The following ZNF829 variants were observed in gnomAD, a reference collection of about 807,000 sequenced individuals.
The protein encoded by ZNF829 is zinc finger protein 829.
ZNF829 carries 25 observed loss-of-function variants against 35.2 expected under a neutral mutation model. That is an observed-to-expected ratio of 0.71 (90% CI 0.52 to 0.99). ZNF829 has a LOEUF of 0.99. Among genes scored for constraint, ZNF829 ranks in the 50% least tolerant of loss-of-function variants. ZNF829 has a pLI of 0.00. For synonymous variants in ZNF829, 136 were observed against 163.2 expected, an observed-to-expected ratio of 0.83 and a Z score of 1.27; for missense variants, 417 against 515.3, an observed-to-expected ratio of 0.81 and a Z score of 1.85.
intron 5 of ZNF829, among the ~76,000 whole-genome samples, chr19:36,905,097 A>G (rs2073204647): frequency 1.3e-5 from 2 of 152,134 alleles, no homozygotes; most frequent in African/African-American, 4.8e-5. Context: ...ATTAACTTCT[A>G]CTTGGATCAA....
chr19:36,892,489 G>A lies in ZNF829; in HGVS notation c.320-18C>T. 1 of 1,538,238 alleles carries A rather than the reference G, an allele frequency of 6.5e-7. No homozygotes were observed. Among genetic ancestry groups the A allele is most frequent in the South Asian group, 1.2e-5 (1 of 80,134 alleles). On this transcript the variant is annotated intron_variant, in intron 5 of 5. Coordinates refer to ENST00000391711, the MANE Select transcript of ZNF829 (RefSeq NM_001037232.4). Reference sequence around the variant, plus strand: ...TTCCAGATCTGAAAGAAAATACAAAGGCAAATAAATTTTCCTATTCTGGGC... The same window carrying A: ...TTCCAGATCTGAAAGAAAATACAAAAGCAAATAAATTTTCCTATTCTGGGC...
intron 3 of ZNF829, among the ~76,000 whole-genome samples, chr19:36,908,798 C>T (rs2073240346): frequency 6.6e-6 from 1 of 152,134 alleles, no homozygotes; most frequent in Non-Finnish European, 1.5e-5. Flanking sequence ...TTTCTAAAAG[C>T]TTCCAGAAGA....
chr19:36,909,594 G>A (rs1024982795), intron 3 of ZNF829, among the ~76,000 whole-genome samples: 3 of 152,056 alleles, frequency 2.0e-5, no homozygotes, highest in Admixed American at 6.5e-5. Context: ...GGATCACCAG[G>A]TCAGGAGTTC....
At chr19:36,914,852 C>A in intron 3 of ZNF829, 113 bp downstream of exon 3, 2 of 933,604 alleles carry the variant, frequency 2.1e-6, no homozygotes, top group Non-Finnish European at 3.4e-6. Context: ...ATTCAGCAAG[C>A]ATAAGTGGAG....
Position 36,891,728 on chromosome 19 carries a change from C to T in ZNF829, c.1063G>A (p.Glu355Lys), listed in dbSNP as rs1046003831. 6.8e-6 allele frequency: 11 copies of T among 1,613,940 alleles called. No individual in the cohort carries two copies. The highest frequency in any genetic ancestry group is 3.3e-5 in the Admixed American group (2 of 60,000). ...TGAATAAAGGCCTTTCTACATTCTTCACATTCATAGAGCTTCTCACCAGCA... is the reference window on the plus strand; with the variant it reads ...TGAATAAAGGCCTTTCTACATTCTTTACATTCATAGAGCTTCTCACCAGCA... ...IHAGEKLYEC[E>K]ECRKAFIQSS... Residue 355 changes from glutamate (E) to lysine (K), a missense_variant, in exon 6 of 6, where the codon GAA becomes AAA. Transcript: ENST00000391711.
chr19:36,915,577 C>A (rs551867326), intron 1 of ZNF829, among the ~76,000 whole-genome samples: 4 of 144,648 alleles, frequency 2.8e-5, no homozygotes, highest in African/African-American at 1.0e-4. Context: ...CAGACAATTT[C>A]ACAACCTCCC....
Position 36,892,750 on chromosome 19 carries a change from A to G in ZNF829, c.320-279T>C, listed in dbSNP as rs1053689223. ...AAGCCTTGGTGAATACACAGTGTTC[A>G]GCACCATCCTCCATATTATAGAGAG... On this transcript the variant is annotated intron_variant, in intron 5 of 5. Coordinates refer to ENST00000391711, the MANE Select transcript of ZNF829 (RefSeq NM_001037232.4). 3 of 507,142 alleles carry G rather than the reference A, an allele frequency of 5.9e-6. No homozygotes were observed. The African/African-American group carries it at 6.0e-5, about 10-fold the overall frequency. The allele number at this position is 507,142 out of a possible 1,614,324, so 31.4% of individuals were successfully genotyped here. A position where few individuals can be genotyped will look rare whatever the true frequency, so the allele number is the denominator to read the frequency against.
At chr19:36,908,610 A>G (rs754975524) in intron 3 of ZNF829, 151 bp from the exon 4 acceptor site, 36 of 785,480 alleles carry the variant, frequency 4.6e-5, no homozygotes, top group Non-Finnish European at 6.5e-5. Flanking sequence ...ATATACAAAT[A>G]GACTGGACTT....
At chr19:36,892,595 G>A (rs919130102) in intron 5 of ZNF829, 124 bp from the exon 6 acceptor site, 1 of 1,014,684 alleles carries the variant, frequency 9.9e-7, no homozygotes, top group Non-Finnish European at 1.4e-6. Flanking sequence ...CAAAGGTGGA[G>A]AGGCAATCTG....
rs1368790766 is a variant in ZNF829 at position 36,916,084 on chromosome 19, G to C, written c.-158C>G. 1.4e-6 allele frequency: 1 copy of C among 718,996 alleles called. No homozygotes were observed. Among genetic ancestry groups the C allele is most frequent in the Non-Finnish European group, 2.2e-6 (1 of 451,340 alleles). The allele number at this position is 718,996 out of a possible 1,614,324, so 44.5% of individuals were successfully genotyped here. On this transcript the variant is annotated 5_prime_UTR_variant, in exon 1 of 6. Transcript: ENST00000391711. This position sits in a 1 kb window ranked among gnomAD's most constrained non-coding sequence, Gnocchi z 5.3. ...TGCGAGAAAAGTGGCAGGCCACCAG[G>C]CCCTCTGGGAAATGTAGTCCAGAGC...
chr19:36,902,655 A>C (rs1286489260), intron 5 of ZNF829, among the ~76,000 whole-genome samples: 1 of 151,332 alleles, frequency 6.6e-6, no homozygotes, highest in Non-Finnish European at 1.5e-5. Context: ...AAAATAAAAT[A>C]AAATAAAATA....
intron 1 of ZNF829, chr19:36,915,725 T>C: frequency 1.3e-6 from 1 of 791,226 alleles, no homozygotes; most frequent in East Asian, 2.8e-5. Context: ...AGCCTGCGAG[T>C]AGCTGGGATT....
In ZNF829 at chr19:36,892,022, C is replaced by A. The variant is rs1314400993; in HGVS notation, c.769G>T (p.Asp257Tyr). 1 of 1,613,460 alleles carries A rather than the reference C, an allele frequency of 6.2e-7. No individual in the cohort carries two copies. The highest frequency in any genetic ancestry group is 2.2e-5 in the East Asian group (1 of 44,824). The change falls in exon 6 of 6, where the codon GAT (aspartate) becomes TAT (tyrosine). Residue 257 changes from aspartate to tyrosine, a missense_variant. Asp to Tyr is a radical substitution (Grantham distance 160). Transcript: ENST00000391711. ...KAFKYCSNLN[D>Y]HQRIHTGEKP... ...TCACCAGTGTGAATTCTCTGATGATCATTAAGGTTTGAGCAATACTTAAAG... is the reference window on the plus strand; with the variant it reads ...TCACCAGTGTGAATTCTCTGATGATAATTAAGGTTTGAGCAATACTTAAAG...
At chr19:36,894,805 G>T (rs150394354) in intron 5 of ZNF829, among the ~76,000 whole-genome samples, 66 of 152,180 alleles carry the variant, frequency 4.3e-4, no homozygotes, top group Middle Eastern at 3.4e-3. Flanking sequence ...TGACATATGG[G>T]ACATCATAAA....
intron 5 of ZNF829, among the ~76,000 whole-genome samples, chr19:36,899,309 G>C (rs184755238): frequency 2.0e-5 from 3 of 151,902 alleles, no homozygotes; most frequent in Non-Finnish European, 4.4e-5. Flanking sequence ...GCTAGGTATA[G>C]TGGCATGCAC....
At chr19:36,904,566 A>C (rs140823178) in intron 5 of ZNF829, among the ~76,000 whole-genome samples, 331 of 151,970 alleles carry the variant, frequency 2.2e-3, no homozygotes, top group African/African-American at 7.5e-3. Context: ...TGCCCGGTTA[A>C]TTTTTGTATT....
intron 5 of ZNF829, chr19:36,893,052 T>C: frequency 2.5e-6 from 1 of 399,630 alleles, no homozygotes; most frequent in Non-Finnish European, 4.4e-6. Context: ...TGATACTGTA[T>C]GTTTTGCAAT....
intron 1 of ZNF829, chr19:36,915,808 G>T: frequency 1.3e-6 from 2 of 1,499,118 alleles, no homozygotes; most frequent in Non-Finnish European, 9.0e-7. Flanking sequence ...TGTTGGCCAG[G>T]ATGGTCTCGA....
rs1453564180 is a variant in ZNF829 at position 36,890,527 on chromosome 19, C to CT, written c.*964dup. ...ATCATTATAAATGACCTTCTTTGTC[C>CT]TTTTTAATTTTTGTTGGTATAAAGT... is the stretch of plus-strand genomic sequence containing the variant. On this transcript the variant is annotated 3_prime_UTR_variant, in exon 6 of 6. Coordinates refer to ENST00000391711, the MANE Select transcript of ZNF829 (RefSeq NM_001037232.4). 1.3e-5 allele frequency: 2 copies of CT among 151,426 alleles called. No individual in the cohort carries two copies. The highest frequency in any genetic ancestry group is 2.4e-5 in the African/African-American group (1 of 41,204). The allele number at this position is 151,426 out of a possible 1,614,324, so 9.4% of individuals were successfully genotyped here.
Sources: gnomAD v4.1 joint callset for allele counts (sites outside exome capture counted in the v4.1 genomes callset) on GRCh38, gnomAD v4.1.1 for gene constraint, Gnocchi (gnomAD v3.1) non-coding constraint, MANE v1.5 for transcripts, NCBI Gene and HGNC (gene_info 2026-07-23, HGNC 2026-07-21) for gene names.